Variants in ATG3 observed in about 807,000 individuals in gnomAD.
ATG3 encodes the protein ubiquitin-like-conjugating enzyme ATG3.
In ATG3, 25 loss-of-function variants were observed where a neutral mutation model predicts 50.7. The ratio of observed to expected loss-of-function variants is 0.49; its 90% CI spans 0.36 to 0.69. The LOEUF is 0.69. ATG3 is among the 30% of genes least tolerant of loss of function. ATG3 has a pLI of 0.00. For synonymous variants in ATG3, 119 were observed against 125.5 expected (o/e 0.95, Z 0.34); for missense variants, 281 against 376.0 (o/e 0.75, Z 2.09).
At chr3:112,551,244 G>A (rs1399231106) in intron 3 of ATG3, among the ~76,000 whole-genome samples, 1 of 152,162 alleles carries the variant, frequency 6.6e-6, no homozygotes, top group Non-Finnish European at 1.5e-5. Context: ...GTAAAGTCAG[G>A]AAATGCCCTA....
Position 112,532,561 on chromosome 3 carries a change from TTTTA to T in ATG3, c.*134_*137del, listed in dbSNP as rs908675574. The T allele has an allele frequency of 3.7e-4, 199 of 536,444 alleles. No homozygotes were observed. The highest frequency in any genetic ancestry group is 1.6e-3 in the Middle Eastern group (4 of 2,508). The allele number at this position is 536,444 out of a possible 1,614,324, so 33.2% of individuals were successfully genotyped here. A position where few individuals can be genotyped will look rare whatever the true frequency, so the allele number is the denominator to read the frequency against. On this transcript the variant is annotated 3_prime_UTR_variant, in exon 12 of 12. Coordinates refer to ENST00000283290, the MANE Select transcript of ATG3 (RefSeq NM_022488.5). ...AAGTAAGGCTGGTAGTGGAACATAT[TTTTA>T]TTTAATGCATAAACATATAAGTCCC...
chr3:112,537,514 G>GC (rs1933103129), intron 9 of ATG3: 1 of 364,158 alleles, frequency 2.7e-6, no homozygotes, highest in South Asian at 1.0e-4. Context: ...ATATGTAATA[G>GC]ATTATTTCTG....
intron 5 of ATG3, among the ~76,000 whole-genome samples, chr3:112,547,431 C>G (rs562559286): frequency 6.6e-6 from 1 of 152,238 alleles, no homozygotes; most frequent in East Asian, 1.9e-4. Flanking sequence ...ATTACTACTA[C>G]TAAGGATATA....
chr3:112,549,378 C>A (rs1279718039), intron 4 of ATG3, among the ~76,000 whole-genome samples: 2 of 152,174 alleles, frequency 1.3e-5, no homozygotes, highest in Non-Finnish European at 2.9e-5. Flanking sequence ...AAAGAAAAAA[C>A]TGCTGTTCTG....
chr3:112,542,466 A>C (rs972996592), intron 6 of ATG3, among the ~76,000 whole-genome samples: 1 of 152,100 alleles, frequency 6.6e-6, no homozygotes, highest in African/African-American at 2.4e-5. Context: ...CACAAAATTA[A>C]TATTCTGAAA....
At chr3:112,553,204 A>G in intron 3 of ATG3, 76 bp downstream of exon 3, 1 of 1,232,650 alleles carries the variant, frequency 8.1e-7, no homozygotes, top group South Asian at 1.2e-5. Context: ...TCATCCATTA[A>G]CCTATTTTGC....
chr3:112,550,079 CAG>C, intron 4 of ATG3, 111 bp downstream of exon 4: 1 of 666,328 alleles, frequency 1.5e-6, no homozygotes, highest in African/African-American at 1.9e-5. Context: ...AAAGAAATAA[CAG>C]AAAGAGGTGA....
intron 7 of ATG3, 110 bp downstream of exon 7, chr3:112,541,693 C>A: frequency 1.1e-6 from 1 of 890,288 alleles, no homozygotes; most frequent in Non-Finnish European, 1.8e-6. Context: ...ACTCACTAGG[C>A]TGCTAAATGC....
Position 112,534,308 on chromosome 3 carries a change from T to C in ATG3, c.824A>G (p.Glu275Gly), listed in dbSNP as rs774623282. Residue 275 changes from glutamate (E) to glycine (G), a missense_variant, in exon 11 of 12, where the codon GAG (glutamate) becomes GGG (glycine). Physicochemically the swap from Glu to Gly is moderately conservative, Grantham distance 98. This residue lies in a region of ATG3 where 242 missense variants were observed against 305.0 expected (regional missense o/e 0.79). Coordinates refer to ENST00000283290, the MANE Select transcript of ATG3 (RefSeq NM_022488.5). ...RHAEVMKKII[E>G]TVAEGGGELG... ...TTCTCCCCCTCCTTCTGCAACAGTC[T>C]CAATGATTTTCTTCATCACCTCAGC... 1 of 1,586,622 alleles carries C rather than the reference T, an allele frequency of 6.3e-7. No homozygotes were observed. The highest frequency in any genetic ancestry group is 1.2e-5 in the South Asian group (1 of 86,532).
intron 4 of ATG3, among the ~76,000 whole-genome samples, chr3:112,549,823 A>G (rs1933480328): frequency 2.7e-5 from 4 of 147,820 alleles, no homozygotes; most frequent in African/African-American, 9.8e-5. Flanking sequence ...AAAAACCACT[A>G]CCTGTTTCAA....
intron 9 of ATG3, 87 bp downstream of exon 9, chr3:112,537,648 A>G: frequency 9.7e-7 from 1 of 1,025,770 alleles, no homozygotes; most frequent in Non-Finnish European, 1.3e-6. Flanking sequence ...AAACACTGCA[A>G]TAAATACTCA....
chr3:112,548,747 A>C lies in ATG3; in HGVS notation c.236-107T>G, dbSNP rs1933442538. The C allele has an allele frequency of 7.2e-6, 6 of 833,020 alleles. No individual in the cohort carries two copies. In the South Asian group the frequency reaches 9.2e-5, roughly 13 times the overall value. 51.6% of individuals were successfully genotyped at this position (833,020 alleles called of 1,614,324 possible). A position where few individuals can be genotyped will look rare whatever the true frequency, so the allele number is the denominator to read the frequency against. The stretch of plus-strand genomic sequence containing the variant: ...ATAAAATAGGGTGTTTATACCACCA[A>C]AGTACTAAGTGAATATTTCACTTTT... On this transcript the variant is annotated intron_variant, in intron 4 of 11. Transcript: ENST00000283290.
At chr3:112,538,314 A>G in intron 7 of ATG3, 134 bp from the exon 8 acceptor site, 1 of 661,142 alleles carries the variant, frequency 1.5e-6, no homozygotes, top group Admixed American at 3.4e-5. Flanking sequence ...GATATTGAAT[A>G]GATAGATATA....
intron 6 of ATG3, 82 bp from the exon 7 acceptor site, chr3:112,541,966 A>C: frequency 1.0e-6 from 1 of 1,001,346 alleles, no homozygotes; most frequent in African/African-American, 1.6e-5. Flanking sequence ...GCACAGTGGT[A>C]ACCACTGTGA....
intron 10 of ATG3, chr3:112,536,052 G>T (rs1933036437): frequency 6.0e-6 from 1 of 167,794 alleles, no homozygotes; most frequent in African/African-American, 2.4e-5. Flanking sequence ...ATCAATAAAA[G>T]AAAGCAAATA....
At chr3:112,555,375 T>C (rs1933639388) in intron 2 of ATG3, among the ~76,000 whole-genome samples, 1 of 152,182 alleles carries the variant, frequency 6.6e-6, no homozygotes. Flanking sequence ...CTAAAAATGT[T>C]CTCTTATTAT....
intron 3 of ATG3, among the ~76,000 whole-genome samples, chr3:112,550,804 G>T (rs1933506671): frequency 6.6e-6 from 1 of 152,060 alleles, no homozygotes; most frequent in Non-Finnish European, 1.5e-5. Flanking sequence ...AATAATTCTT[G>T]AAAACAAAAA....
In ATG3 at chr3:112,538,187, T is replaced by TA. The variant is rs769857068; in HGVS notation, c.476-8dup. ...AATCCACTCTCTTCATATTCTGTTA[T>TA]AAAAAAACAACAAAAGATTAATCAA... On this transcript the variant is annotated splice_region_variant and splice_polypyrimidine_tract_variant and intron_variant, in intron 7 of 11. Transcript: ENST00000283290. 19 of 1,571,536 alleles carry TA rather than the reference T, an allele frequency of 1.2e-5. No individual in the cohort carries two copies. The highest frequency in any genetic ancestry group is 2.7e-5 in the African/African-American group (2 of 72,936).
rs1016750834 is a variant in ATG3, at chr3:112,533,266, T to C, written c.864-486A>G. On this transcript the variant is annotated intron_variant, in intron 11 of 11. Transcript: ENST00000283290. ...TGAGCTCTACTGGACTGTCTTTAATTAAATTCTGAAATTTTTTTATGTTCA... is the reference window on the plus strand; with the variant it reads ...TGAGCTCTACTGGACTGTCTTTAATCAAATTCTGAAATTTTTTTATGTTCA... 36 of 984,794 alleles carry C rather than the reference T, an allele frequency of 3.7e-5. No homozygotes were observed. The Admixed American group carries it at 2.1e-3, about 57-fold the overall frequency. The allele number at this position is 984,794 out of a possible 1,614,324, so 61.0% of individuals were successfully genotyped here.
Sources: gnomAD v4.1 joint callset for allele counts (sites outside exome capture counted in the v4.1 genomes callset) on GRCh38, gnomAD v4.1.1 for gene constraint, gnomAD v4.1.1 regional missense constraint, MANE v1.5 for transcripts, NCBI Gene and HGNC (gene_info 2026-07-23, HGNC 2026-07-21) for gene names.